DOCK7: variants seen among roughly 807,000 people sequenced by gnomAD.
DOCK7 encodes dedicator of cytokinesis 7.
Under a neutral mutation model 271.0 loss-of-function variants are expected in DOCK7, and 138 were observed. The ratio of observed to expected loss-of-function variants is 0.51; its 90% CI spans 0.44 to 0.59. The LOEUF (loss-of-function observed/expected upper bound fraction) is 0.59. Among genes scored for constraint, DOCK7 ranks in the 20% least tolerant of loss-of-function variants. The pLI is 0.00. For missense variants in DOCK7, 2,066 were observed against 2,592.4 expected (o/e 0.80, Z 4.41); for synonymous variants, 823 against 876.1 (o/e 0.94, Z 1.07).
At chr1:62,631,105 A>C (rs1038735821) in intron 11 of DOCK7, 135 bp downstream of exon 11, 1 of 648,246 alleles carries the variant, frequency 1.5e-6, no homozygotes, top group Non-Finnish European at 2.4e-6. Context: ...GAATTGCTTG[A>C]ACCCCGGTGG....
chr1:62,629,524 T>C (rs957636140), intron 11 of DOCK7: 4 of 152,288 alleles, frequency 2.6e-5, no homozygotes, highest in South Asian at 2.1e-4. Context: ...ATGTCTGGCA[T>C]AGACAAATCT....
At position 62,618,874 on chromosome 1, in the gene DOCK7, A is replaced by C. The variant is rs1337223707; in HGVS notation, c.1520-6T>G. ...AATGTCTATCTTGAGCTGAGCTGCA[A>C]ATTATATATTAAAAAACAATGTAAA... On this transcript the variant is annotated splice_region_variant and splice_polypyrimidine_tract_variant and intron_variant, in intron 13 of 49. Transcript: ENST00000635253. 6.2e-7 allele frequency: 1 copy of C among 1,610,810 alleles called. No individual in the cohort carries two copies. The highest frequency in any genetic ancestry group is 8.5e-7 in the Non-Finnish European group (1 of 1,178,070).
chr1:62,573,677 T>A lies in DOCK7; in HGVS notation c.2112+3585A>T, dbSNP rs1646855764. On this transcript the variant is annotated intron_variant, in intron 18 of 49. Coordinates refer to ENST00000635253, the MANE Select transcript of DOCK7 (RefSeq NM_001367561.1). The stretch of plus-strand genomic sequence containing the variant: ...TTAAAAGTAATTTTAAAAGGCTTGT[T>A]TTCAGGACACTGTGAATATACTTAA... Among the ~76,000 whole-genome samples the A allele has an allele frequency of 2.6e-5, 4 of 152,332 alleles. No individual in the cohort carries two copies. In the South Asian group the frequency reaches 8.3e-4, roughly 32 times the overall value.
chr1:62,502,340 G>C (rs1468688300), intron 37 of DOCK7, among the ~76,000 whole-genome samples: 1 of 152,128 alleles, frequency 6.6e-6, no homozygotes, highest in African/African-American at 2.4e-5. Context: ...TCAAGCAATT[G>C]ATTAAAAGTC....
At chr1:62,583,107 G>T in intron 16 of DOCK7, 77 bp downstream of exon 16, 1 of 1,206,652 alleles carries the variant, frequency 8.3e-7, no homozygotes, top group Non-Finnish European at 1.2e-6. Context: ...CAAAGCATTT[G>T]GTAAACACAC....
chr1:62,598,597 C>T lies in DOCK7; in HGVS notation c.1683-11973G>A, dbSNP rs936567596. 9.9e-6 allele frequency: 7 copies of T among 710,426 alleles called. No individual in the cohort carries two copies. In the African/African-American group the frequency reaches 1.3e-4, roughly 13 times the overall value. The allele number at this position is 710,426 out of a possible 1,614,324, so 44.0% of individuals were successfully genotyped here. ...ATTGCCAATATTCATTTTTCAAATC[C>T]ATTATTAGTTTAAAAATTTAGATTA... On this transcript the variant is annotated intron_variant, in intron 14 of 49. Transcript: ENST00000635253.
At position 62,685,931 on chromosome 1, in the gene DOCK7, T is replaced by C. The variant is rs572845906; in HGVS notation, c.38+2296A>G. The stretch of plus-strand genomic sequence containing the variant: ...TTCACATTATCTTAATTTTATAACT[T>C]CTTAGAAAGCTGTTCTTATTTGCAT... On this transcript the variant is annotated intron_variant, in intron 1 of 49. Transcript: ENST00000635253. Among the ~76,000 whole-genome samples, 12 of 152,374 alleles carry C rather than the reference T, an allele frequency of 7.9e-5. No individual in the cohort carries two copies. The South Asian group carries it at 1.4e-3, about 18-fold the overall frequency.
chr1:62,457,511 T>C lies in DOCK7; in HGVS notation c.6380+27A>G, dbSNP rs757284351. 5.6e-6 allele frequency: 9 copies of C among 1,606,066 alleles called. No homozygotes were observed. In the East Asian group the frequency reaches 2.0e-4, roughly 36 times the overall value. ...ATGTTAGGTTTCAGAGGAAAGAATATCTAAAACCACTTAAAAATAAGCATA... is the reference window on the plus strand; with the variant it reads ...ATGTTAGGTTTCAGAGGAAAGAATACCTAAAACCACTTAAAAATAAGCATA... On this transcript the variant is annotated intron_variant, in intron 49 of 49. Coordinates refer to ENST00000635253, the MANE Select transcript of DOCK7 (RefSeq NM_001367561.1).
chr1:62,542,864 A>G (rs1190936655), intron 24 of DOCK7, among the ~76,000 whole-genome samples, 161 bp from the exon 25 acceptor site: 5 of 152,178 alleles, frequency 3.3e-5, no homozygotes, highest in Non-Finnish European at 5.9e-5. Context: ...CGAAACGGCT[A>G]TTTATGTATG....
chr1:62,494,274 C>A lies in DOCK7; in HGVS notation c.5217+1G>T. 6.4e-7 allele frequency: 1 copy of A among 1,574,078 alleles called. No individual in the cohort carries two copies. Among genetic ancestry groups the A allele is most frequent in the Non-Finnish European group, 8.7e-7 (1 of 1,150,608 alleles). On this transcript the variant is annotated splice_donor_variant, in intron 40 of 49. Coordinates refer to ENST00000635253, the MANE Select transcript of DOCK7 (RefSeq NM_001367561.1). LOFTEE classifies it high-confidence loss of function. Reference sequence around the variant, plus strand: ...TTAATGTACATCTGGAAGATTCCTACCTGAAATGTTACACATCCCACAGGA... The same window carrying A: ...TTAATGTACATCTGGAAGATTCCTAACTGAAATGTTACACATCCCACAGGA...
intron 47 of DOCK7, among the ~76,000 whole-genome samples, chr1:62,474,421 C>T (rs2149257236): frequency 6.6e-6 from 1 of 152,330 alleles, no homozygotes; most frequent in Non-Finnish European, 1.5e-5. Flanking sequence ...CAAGCTACTA[C>T]ATCTGCCAAT....
chr1:62,485,355 C>A (rs1231244978), intron 43 of DOCK7: 1 of 985,226 alleles, frequency 1.0e-6, no homozygotes, highest in African/African-American at 1.7e-5. Flanking sequence ...CACACACACA[C>A]ACACACCCTT....
At chr1:62,565,600 T>C (rs796812990) in intron 18 of DOCK7, among the ~76,000 whole-genome samples, 10 of 152,146 alleles carry the variant, frequency 6.6e-5, no homozygotes, top group Admixed American at 5.2e-4. Context: ...CCACAGCCAA[T>C]ACCATACTGA....
rs1313389435 is a variant in DOCK7 at position 62,513,827 on chromosome 1, G to C, written c.4008C>G (p.Leu1336=). The C allele has an allele frequency of 1.2e-6, 2 of 1,613,970 alleles. No individual in the cohort carries two copies. Among genetic ancestry groups the C allele is most frequent in the East Asian group, 2.2e-5 (1 of 44,878 alleles). The part of the protein sequence containing the change: ...RSLLICLLWV[L]KNADETVLQK... ...GTAGAACTGTTTCATCTGCATTTTT[G>C]AGAACCCAAAGTAGACAGATCAAAA... The change falls in exon 32 of 50, where the codon CTC becomes CTG. Residue 1336 remains leucine, a synonymous_variant. Transcript: ENST00000635253.
intron 13 of DOCK7, among the ~76,000 whole-genome samples, chr1:62,619,623 T>G (rs1652891025): frequency 6.6e-6 from 1 of 152,184 alleles, no homozygotes; most frequent in Non-Finnish European, 1.5e-5. Flanking sequence ...TATCTTAATA[T>G]TTTCACATCG....
intron 12 of DOCK7, 107 bp downstream of exon 12, chr1:62,625,152 C>T: frequency 5.1e-6 from 5 of 984,610 alleles, no homozygotes; most frequent in Admixed American, 5.3e-5. Flanking sequence ...TTTTAAGTTT[C>T]TTGGAATCAC....
chr1:62,634,691 T>C, intron 9 of DOCK7, 82 bp downstream of exon 9: 2 of 1,376,566 alleles, frequency 1.5e-6, no homozygotes, highest in Non-Finnish European at 2.0e-6. Flanking sequence ...GGTCAAATCT[T>C]TGCCCTTGAA....
At chr1:62,598,912 C>A in intron 14 of DOCK7, 1 of 736,620 alleles carries the variant, frequency 1.4e-6, no homozygotes, top group Non-Finnish European at 2.4e-6. Flanking sequence ...GTAAAATTAT[C>A]ACATCAGCAT....
chr1:62,574,328 T>C (rs1402876169), intron 18 of DOCK7, among the ~76,000 whole-genome samples: 2 of 152,170 alleles, frequency 1.3e-5, no homozygotes, highest in African/African-American at 4.8e-5. Context: ...AAACAATAAA[T>C]TCTTGCTGGA....
Sources: allele counts gnomAD v4.1 joint callset (sites outside exome capture counted in the v4.1 genomes callset), GRCh38; gene constraint gnomAD v4.1.1; transcripts MANE v1.5; gene names NCBI Gene and HGNC (gene_info 2026-07-23, HGNC 2026-07-21).